ADGB: variants seen among roughly 807,000 people sequenced by gnomAD.
The protein encoded by ADGB is androglobin, also known as calpain-7-like protein.
A neutral mutation model predicts 210.5 loss-of-function variants in ADGB; 172 were observed. The observed-to-expected ratio is 0.82, with a 90% CI of 0.72 to 0.93. ADGB has a LOEUF of 0.93. ADGB is among the 40% of genes least tolerant of loss of function. The probability of loss-of-function intolerance (pLI) is 0.00; values close to 1 mark genes in which losing one functional copy is unlikely to be tolerated. For missense variants in ADGB, 2,025 were observed against 1,964.8 expected (o/e 1.03, Z -0.58); for synonymous variants, 658 against 662.7 (o/e 0.99, Z 0.11).
At chr6:146,747,543 T>C (rs1777257334) in intron 26 of ADGB, among the ~76,000 whole-genome samples, 1 of 151,996 alleles carries the variant, frequency 6.6e-6, no homozygotes. Flanking sequence ...CTCAAGACAT[T>C]GTTTTGTTTG....
At chr6:146,611,999 T>C (rs1280773776) in intron 1 of ADGB, among the ~76,000 whole-genome samples, 1 of 152,168 alleles carries the variant, frequency 6.6e-6, no homozygotes, top group African/African-American at 2.4e-5. Flanking sequence ...ATTACTTTGT[T>C]TGAGACCAGA....
intron 5 of ADGB, among the ~76,000 whole-genome samples, chr6:146,660,972 C>T (rs1554226243): frequency 6.6e-6 from 1 of 151,970 alleles, no homozygotes; most frequent in Non-Finnish European, 1.5e-5. Context: ...ATCCCCTTTC[C>T]TTTACTCCTG....
At chr6:146,716,113 T>C (rs1776729439) in intron 14 of ADGB, among the ~76,000 whole-genome samples, 1 of 151,516 alleles carries the variant, frequency 6.6e-6, no homozygotes, top group Non-Finnish European at 1.5e-5. Flanking sequence ...AATAAGGCTC[T>C]AGAACCACTG....
At position 146,728,538 on chromosome 6, in the gene ADGB, A is replaced by G. The variant is rs146850401; in HGVS notation, c.2353-36A>G. On this transcript the variant is annotated intron_variant, in intron 19 of 35. Transcript: ENST00000397944. ...TGTATAAACTAGATGACACTTAAGG[A>G]TGAGTGAGGATGGCTGCCATGCTTT... is the stretch of plus-strand genomic sequence containing the variant. 926 of 1,537,648 alleles carry G rather than the reference A, an allele frequency of 6.0e-4. 3 individuals are homozygous for G. The East Asian group carries it at 9.7e-3, about 16-fold the overall frequency.
chr6:146,797,465 C>T (rs1778062323), intron 33 of ADGB, among the ~76,000 whole-genome samples: 1 of 151,970 alleles, frequency 6.6e-6, no homozygotes, highest in South Asian at 2.1e-4. Flanking sequence ...ACCCATCAAC[C>T]AACCAGCCCA....
At chr6:146,762,291 A>G (rs1363040920) in intron 27 of ADGB, among the ~76,000 whole-genome samples, 1 of 152,060 alleles carries the variant, frequency 6.6e-6, no homozygotes, top group Non-Finnish European at 1.5e-5. Context: ...TTTCTTCTGA[A>G]TTTGACAAAA....
intron 20 of ADGB, among the ~76,000 whole-genome samples, chr6:146,730,953 T>A (rs1426618907): frequency 6.6e-6 from 1 of 151,894 alleles, no homozygotes; most frequent in African/African-American, 2.4e-5. Context: ...AATAAATAAA[T>A]AAGATTTACA....
chr6:146,784,872 A>G, intron 31 of ADGB, 78 bp downstream of exon 31: 2 of 1,394,534 alleles, frequency 1.4e-6, no homozygotes, highest in South Asian at 2.9e-5. Flanking sequence ...CATGCTGGTA[A>G]AAACCATATA....
chr6:146,631,587 C>T (rs551598319), intron 1 of ADGB, among the ~76,000 whole-genome samples: 18 of 152,226 alleles, frequency 1.2e-4, no homozygotes, highest in African/African-American at 4.1e-4. Context: ...TGTTTCATTT[C>T]ATATAAATAG....
At chr6:146,773,065 A>G (rs148051999) in intron 29 of ADGB, among the ~76,000 whole-genome samples, 212 of 152,242 alleles carry the variant, frequency 1.4e-3, no homozygotes, top group Non-Finnish European at 2.4e-3. Flanking sequence ...CAAGGAGAGT[A>G]TCTGCACATA....
intron 12 of ADGB, among the ~76,000 whole-genome samples, chr6:146,693,982 A>G (rs976938165): frequency 2.0e-5 from 3 of 152,292 alleles, no homozygotes; most frequent in African/African-American, 4.8e-5. Context: ...AGACACGTAT[A>G]TATTTTCTAA....
At chr6:146,748,633 T>G (rs1583620586) in intron 26 of ADGB, among the ~76,000 whole-genome samples, 1 of 152,192 alleles carries the variant, frequency 6.6e-6, no homozygotes, top group Non-Finnish European at 1.5e-5. Context: ...GTCGCCCAGC[T>G]GGAGTTCAGT....
chr6:146,810,603 G>A (rs1217917668), intron 35 of ADGB, among the ~76,000 whole-genome samples: 2 of 145,466 alleles, frequency 1.4e-5, no homozygotes, highest in African/African-American at 2.6e-5. Context: ...TATATATAAT[G>A]GAATATAATT....
intron 13 of ADGB, among the ~76,000 whole-genome samples, chr6:146,705,269 G>T (rs940007446): frequency 2.0e-5 from 3 of 152,008 alleles, no homozygotes; most frequent in Non-Finnish European, 2.9e-5. Flanking sequence ...CAATTTGAGT[G>T]CCTTTTCTTT....
At chr6:146,658,040 A>G (rs1255290460) in intron 5 of ADGB, among the ~76,000 whole-genome samples, 1 of 151,772 alleles carries the variant, frequency 6.6e-6, no homozygotes, top group Non-Finnish European at 1.5e-5. Flanking sequence ...AAAGTTAATA[A>G]TTCCATTATA....
At chr6:146,717,463 A>G in intron 15 of ADGB, 73 bp from the exon 16 acceptor site, 1 of 808,238 alleles carries the variant, frequency 1.2e-6, no homozygotes, top group Middle Eastern at 2.3e-4. Flanking sequence ...TAATTTGATT[A>G]TAAGAAACTT....
intron 27 of ADGB, among the ~76,000 whole-genome samples, chr6:146,761,944 C>T (rs1777495499): frequency 6.6e-6 from 1 of 152,032 alleles, no homozygotes; most frequent in African/African-American, 2.4e-5. Flanking sequence ...TTAACTCTGC[C>T]TATCTCTGCC....
intron 27 of ADGB, 110 bp from the exon 28 acceptor site, chr6:146,763,791 A>C: frequency 1.0e-6 from 1 of 978,186 alleles, no homozygotes; most frequent in Non-Finnish European, 1.5e-6. Flanking sequence ...CTAAAACAAA[A>C]GAATTGACCT....
At chr6:146,634,685 G>C (rs1775375362) in intron 1 of ADGB, among the ~76,000 whole-genome samples, 1 of 151,872 alleles carries the variant, frequency 6.6e-6, no homozygotes, top group African/African-American at 2.4e-5. Context: ...CATACACTTT[G>C]GTATAGGAAG....
Sources: allele counts gnomAD v4.1 joint callset (sites outside exome capture counted in the v4.1 genomes callset), GRCh38; gene constraint gnomAD v4.1.1; transcripts MANE v1.5; gene names NCBI Gene and HGNC (gene_info 2026-07-23, HGNC 2026-07-21).